P2RX3: variants seen among roughly 807,000 people sequenced by gnomAD.
P2RX3 encodes purinergic receptor P2X 3.
Under a neutral mutation model 51.5 loss-of-function variants are expected in P2RX3, and 41 were observed. The observed-to-expected ratio is 0.80, with a 90% CI of 0.62 to 1.03. The LOEUF (loss-of-function observed/expected upper bound fraction) is 1.03. Ranked by LOEUF, P2RX3 falls within the 50% of genes least tolerant of loss-of-function variation. The probability of loss-of-function intolerance (pLI) is 0.00; values close to 1 mark genes in which losing one functional copy is unlikely to be tolerated. For missense variants in P2RX3, 459 were observed against 522.1 expected (o/e 0.88, Z 1.18); for synonymous variants, 185 against 191.6 (o/e 0.97, Z 0.29).
chr11:57,369,182 G>A lies in P2RX3; in HGVS notation c.1003-179G>A, dbSNP rs377695470. ...CACGCTGGGGATTAAGTTTCAGCAC[G>A]AGTTTGGATGAGGACATTCAAACCA... On this transcript the variant is annotated intron_variant, in intron 10 of 11. Coordinates refer to ENST00000263314, the MANE Select transcript of P2RX3 (RefSeq NM_002559.5). 5.3e-5 allele frequency among the ~76,000 whole-genome samples: 8 copies of A among 152,306 alleles called. No homozygotes were observed. The East Asian group carries it at 1.2e-3, about 22-fold the overall frequency.
chr11:57,364,431 G>C (rs1325809241), intron 8 of P2RX3, among the ~76,000 whole-genome samples: 1 of 152,194 alleles, frequency 6.6e-6, no homozygotes, highest in Non-Finnish European at 1.5e-5. Flanking sequence ...CTCCTCATCT[G>C]TACAATGACT....
chr11:57,354,570 C>G (rs1398503242), intron 8 of P2RX3, among the ~76,000 whole-genome samples: 1 of 152,152 alleles, frequency 6.6e-6, no homozygotes, highest in Non-Finnish European at 1.5e-5. Flanking sequence ...CAGGTAGACC[C>G]TCAATTCACA....
chr11:57,369,809 G>A, intron 11 of P2RX3, 75 bp from the exon 12 acceptor site: 7 of 1,085,508 alleles, frequency 6.4e-6, no homozygotes, highest in Non-Finnish European at 9.8e-6. Context: ...CCACTGCTGA[G>A]TCTGTCAAAT....
chr11:57,366,192 G>A (rs764222120), intron 8 of P2RX3, among the ~76,000 whole-genome samples: 7 of 152,190 alleles, frequency 4.6e-5, no homozygotes, highest in Non-Finnish European at 7.3e-5. Context: ...AGTTTGGCCC[G>A]TGATGAGCAG....
chr11:57,366,261 C>A (rs937520978), intron 8 of P2RX3, among the ~76,000 whole-genome samples: 4 of 152,196 alleles, frequency 2.6e-5, no homozygotes, highest in Non-Finnish European at 5.9e-5. Flanking sequence ...CGATTTGAAT[C>A]CCAAATCCAG....
intron 8 of P2RX3, among the ~76,000 whole-genome samples, chr11:57,363,180 G>A (rs890313024): frequency 6.6e-6 from 1 of 152,154 alleles, no homozygotes; most frequent in Admixed American, 6.5e-5. Context: ...TTACTCCTGG[G>A]ATATAGCATC....
chr11:57,361,724 C>T (rs750606410), intron 8 of P2RX3, among the ~76,000 whole-genome samples: 8 of 152,132 alleles, frequency 5.3e-5, no homozygotes, highest in Non-Finnish European at 1.2e-4. Flanking sequence ...CATGTGTTTG[C>T]TATTGTGAAC....
upstream of P2RX3, among the ~76,000 whole-genome samples, chr11:57,336,139 G>T (rs1296020874): frequency 2.6e-5 from 4 of 152,210 alleles, no homozygotes; most frequent in South Asian, 8.3e-4. Flanking sequence ...TGGGGTGGGG[G>T]TGTGTATTGG....
rs1178252443 is a variant in P2RX3, at chr11:57,371,057, T to C, written c.*1060T>C. On this transcript the variant is annotated 3_prime_UTR_variant, in exon 12 of 12. Transcript: ENST00000263314. ...TTTTAAACCATCTTATCTAACCCTCTTGCTTACAGATGAGCAAACTGAGGC... is the reference window on the plus strand; with the variant it reads ...TTTTAAACCATCTTATCTAACCCTCCTGCTTACAGATGAGCAAACTGAGGC... Among the ~76,000 whole-genome samples, 1 of 152,244 alleles carries C rather than the reference T, an allele frequency of 6.6e-6. No homozygotes were observed. Among genetic ancestry groups the C allele is most frequent in the Non-Finnish European group, 1.5e-5 (1 of 68,038 alleles).
chr11:57,342,148 C>CTTTT (rs67011422), intron 1 of P2RX3, among the ~76,000 whole-genome samples: 15 of 48,358 alleles, frequency 3.1e-4, no homozygotes, highest in Non-Finnish European at 4.5e-4. Context: ...GCTGCCCCAT[C>CTTTT]TTTTTTTTTT....
In P2RX3 at chr11:57,350,686, C is replaced by T. The variant is rs1590629358; in HGVS notation, c.706-76C>T. On this transcript the variant is annotated intron_variant, in intron 7 of 11. Coordinates refer to ENST00000263314, the MANE Select transcript of P2RX3 (RefSeq NM_002559.5). ...GGAGGAAATCATTTGTCACCACCTC[C>T]ACCCCACCCCCACCCTGGCCCAGAG... 1.9e-6 allele frequency: 3 copies of T among 1,573,822 alleles called. No individual in the cohort carries two copies. In the East Asian group the frequency reaches 6.9e-5, roughly 36 times the overall value.
Position 57,350,762 on chromosome 11 carries a change from G to T in P2RX3, c.706G>T (p.Gly236Trp), listed in dbSNP as rs371964035. The change falls in exon 8 of 12, where the codon GGG becomes TGG. Residue 236 changes from glycine to tryptophan, a missense_variant and splice_region_variant. Coordinates refer to ENST00000263314, the MANE Select transcript of P2RX3 (RefSeq NM_002559.5). The stretch of plus-strand genomic sequence containing the variant: ...GCTCATACCCGGCCCGTTTCTTCAG[G>T]GGGGAGTTCTGGGCATTAAGATCGG... ...GQDFAKLART[G>W]GVLGIKIGWV... is the part of the protein sequence containing the mutation. The T allele has an allele frequency of 3.1e-6, 5 of 1,613,936 alleles. No homozygotes were observed. The highest frequency in any genetic ancestry group is 1.1e-5 in the South Asian group (1 of 91,054).
At position 57,338,689 on chromosome 11, in the gene P2RX3, G is replaced by T. The variant is rs1856282036; in HGVS notation, c.119+20G>T. 2 of 1,539,114 alleles carry T rather than the reference G, an allele frequency of 1.3e-6. No homozygotes were observed. Among genetic ancestry groups the T allele is most frequent in the Non-Finnish European group, 1.8e-6 (2 of 1,120,288 alleles). On this transcript the variant is annotated intron_variant, in intron 1 of 11. Transcript: ENST00000263314. ...TGTAGGGTGAGTCTGTGGCCTTTCA[G>T]GTTCCTGGCGGGGTGGGCTGCCTGG... is the stretch of plus-strand genomic sequence containing the variant.
At chr11:57,343,524 AC>A (rs1211825949) in intron 1 of P2RX3, among the ~76,000 whole-genome samples, 1 of 152,176 alleles carries the variant, frequency 6.6e-6, no homozygotes, top group Admixed American at 6.5e-5. Flanking sequence ...GCAAGTTAGC[AC>A]CCTCTCTGTG....
intron 8 of P2RX3, among the ~76,000 whole-genome samples, chr11:57,359,320 G>C (rs1453013930): frequency 6.7e-6 from 1 of 148,194 alleles, no homozygotes; most frequent in Non-Finnish European, 1.5e-5. Context: ...CCAGAAACCA[G>C]GGGGGAGGAA....
intron 10 of P2RX3, 73 bp downstream of exon 10, chr11:57,368,510 G>C: frequency 6.5e-7 from 1 of 1,544,638 alleles, no homozygotes; most frequent in Non-Finnish European, 8.9e-7. Context: ...AGGCAGGGGA[G>C]TGACGGCGGC....
In P2RX3 at chr11:57,346,572, C is replaced by T. The variant is rs1456449996; in HGVS notation, c.148C>T (p.Gln50Ter). 2 of 1,614,136 alleles carry T rather than the reference C, an allele frequency of 1.2e-6. No homozygotes were observed. The highest frequency in any genetic ancestry group is 1.7e-6 in the Non-Finnish European group (2 of 1,180,024). ...GWVFLHEKAY[Q>*]VRDTAIESSV... Reference sequence around the variant, plus strand: ...GGTTTTCTTGCACGAGAAGGCTTACCAGGTACGGGACACAGCCATTGAGTC... The same window carrying T: ...GGTTTTCTTGCACGAGAAGGCTTACTAGGTACGGGACACAGCCATTGAGTC... The change falls in exon 2 of 12, where the codon CAG (glutamine) becomes TAG (stop). Residue 50 changes from glutamine to a stop codon, truncating the protein, a stop_gained. Coordinates refer to ENST00000263314, the MANE Select transcript of P2RX3 (RefSeq NM_002559.5). LOFTEE classifies it high-confidence loss of function.
At chr11:57,349,995 C>T (rs1477021038) in intron 7 of P2RX3, 97 bp downstream of exon 7, 3 of 1,515,570 alleles carry the variant, frequency 2.0e-6, no homozygotes, top group African/African-American at 1.4e-5. Context: ...CAGGAGCCGC[C>T]GCGAGACAGC....
chr11:57,355,489 C>T (rs7129780), intron 8 of P2RX3, among the ~76,000 whole-genome samples: 2,185 of 151,918 alleles, frequency 0.014, 65 homozygotes, highest in African/African-American at 0.05. Flanking sequence ...TACAGGTGCC[C>T]GCCACCACGC....
Sources: gnomAD v4.1 joint callset for allele counts (sites outside exome capture counted in the v4.1 genomes callset) on GRCh38, gnomAD v4.1.1 for gene constraint, MANE v1.5 for transcripts, NCBI Gene and HGNC (gene_info 2026-07-23, HGNC 2026-07-21) for gene names.